Variants in IMMP2L observed in about 807,000 individuals in gnomAD.
The protein encoded by IMMP2L is mitochondrial inner membrane protease subunit 2.
IMMP2L carries 18 observed loss-of-function variants against 19.3 expected under a neutral mutation model. The ratio of observed to expected loss-of-function variants is 0.93; its 90% CI spans 0.64 to 1.38. The LOEUF (loss-of-function observed/expected upper bound fraction) is 1.38, where lower values mean the gene tolerates loss of function less well. IMMP2L is among the 40% of genes most tolerant of loss of function. IMMP2L has a pLI of 0.00. For missense variants in IMMP2L, 233 were observed against 218.2 expected (o/e 1.07, Z -0.43); for synonymous variants, 76 against 73.0 (o/e 1.04, Z -0.21).
chr7:110,902,483 T>C (rs1251840556), intron 4 of IMMP2L, among the ~76,000 whole-genome samples: 1 of 133,390 alleles, frequency 7.5e-6, no homozygotes, highest in Non-Finnish European at 1.6e-5. Flanking sequence ...TGATAAAATA[T>C]ATATATATAT....
intron 3 of IMMP2L, among the ~76,000 whole-genome samples, chr7:111,198,406 G>A (rs1230980290): frequency 1.3e-5 from 2 of 152,004 alleles, no homozygotes; most frequent in Non-Finnish European, 1.5e-5. Flanking sequence ...TTCCTAACCC[G>A]TACAAGCAGT....
chr7:110,783,841 C>A (rs1031657059), intron 5 of IMMP2L, among the ~76,000 whole-genome samples: 1 of 151,878 alleles, frequency 6.6e-6, no homozygotes, highest in African/African-American at 2.4e-5. Flanking sequence ...CATAATCCAA[C>A]AAGTTCATTG....
intron 5 of IMMP2L, among the ~76,000 whole-genome samples, chr7:110,869,315 C>T (rs1196441034): frequency 6.6e-6 from 1 of 152,000 alleles, no homozygotes; most frequent in Non-Finnish European, 1.5e-5. Context: ...TAAAACTCAA[C>T]CAATAAAAGG....
chr7:111,497,892 T>G (rs558095488), intron 2 of IMMP2L, among the ~76,000 whole-genome samples: 10 of 151,654 alleles, frequency 6.6e-5, no homozygotes, highest in Admixed American at 3.9e-4. Context: ...TTTTTCACTA[T>G]TAGTATTATA....
At chr7:110,720,990 C>T (rs1795530269) in intron 5 of IMMP2L, among the ~76,000 whole-genome samples, 1 of 151,788 alleles carries the variant, frequency 6.6e-6, no homozygotes, top group Non-Finnish European at 1.5e-5. Context: ...CTCCCCACCC[C>T]CTCCCCAGTC....
chr7:111,434,050 C>G (rs181332599), intron 3 of IMMP2L, among the ~76,000 whole-genome samples: 2 of 151,614 alleles, frequency 1.3e-5, no homozygotes, highest in Non-Finnish European at 2.9e-5. Context: ...AATTATACTA[C>G]GAGGCTACAG....
intron 3 of IMMP2L, among the ~76,000 whole-genome samples, chr7:111,175,494 A>G (rs1237962853): frequency 2.0e-5 from 3 of 151,908 alleles, no homozygotes; most frequent in African/African-American, 7.2e-5. Flanking sequence ...ATATTCCATT[A>G]GAAATAACAG....
intron 3 of IMMP2L, among the ~76,000 whole-genome samples, chr7:111,301,914 C>G (rs1212632612): frequency 9.9e-6 from 1 of 101,050 alleles, no homozygotes; most frequent in Non-Finnish European, 1.8e-5. Flanking sequence ...ATGTCAGTTT[C>G]ATGCTTTAAA....
intron 5 of IMMP2L, among the ~76,000 whole-genome samples, chr7:110,698,847 A>T (rs1294902238): frequency 6.6e-6 from 1 of 152,248 alleles, no homozygotes; most frequent in Non-Finnish European, 1.5e-5. Flanking sequence ...GTACAGAAAG[A>T]CATCAACACA....
chr7:111,439,842 G>A (rs1837547650), intron 3 of IMMP2L, among the ~76,000 whole-genome samples: 1 of 151,868 alleles, frequency 6.6e-6, no homozygotes, highest in Non-Finnish European at 1.5e-5. Flanking sequence ...CAAAATTAGG[G>A]TCAGTCCTTT....
intron 3 of IMMP2L, among the ~76,000 whole-genome samples, chr7:111,131,392 CATATT>C (rs1801833516): frequency 1.3e-5 from 2 of 151,834 alleles, no homozygotes; most frequent in South Asian, 4.2e-4. Context: ...ATATTATTAA[CATATT>C]ATGTTTGGAT....
At chr7:110,954,422 C>T (rs1463910448) in intron 4 of IMMP2L, among the ~76,000 whole-genome samples, 1 of 152,012 alleles carries the variant, frequency 6.6e-6, no homozygotes, top group African/African-American at 2.4e-5. Flanking sequence ...ATCCCAGAGA[C>T]AGGAACAGTG....
chr7:111,555,510 C>G (rs1791184452), intron 1 of IMMP2L, among the ~76,000 whole-genome samples: 1 of 152,028 alleles, frequency 6.6e-6, no homozygotes, highest in Non-Finnish European at 1.5e-5. Flanking sequence ...TTTTCAACAT[C>G]TCCCTTTCTA....
intron 3 of IMMP2L, among the ~76,000 whole-genome samples, chr7:111,159,807 A>G (rs1339287684): frequency 6.6e-6 from 1 of 152,180 alleles, no homozygotes; most frequent in Non-Finnish European, 1.5e-5. Context: ...TTTACTTAAT[A>G]TACCTCAAAT....
chr7:111,091,241 G>A (rs1465163659), intron 3 of IMMP2L: 1 of 152,198 alleles, frequency 6.6e-6, no homozygotes, highest in African/African-American at 2.4e-5. Context: ...TCAGCCTGCC[G>A]ACTGAGAAAA....
intron 3 of IMMP2L, among the ~76,000 whole-genome samples, chr7:111,104,966 G>A (rs577759039): frequency 6.6e-6 from 1 of 151,744 alleles, no homozygotes; most frequent in East Asian, 1.9e-4. Context: ...AAATATAATG[G>A]CTGTTACAAG....
At chr7:110,892,892 G>A (rs1238749103) in intron 4 of IMMP2L, among the ~76,000 whole-genome samples, 1 of 152,010 alleles carries the variant, frequency 6.6e-6, no homozygotes, top group East Asian at 1.9e-4. Flanking sequence ...ACCCAAAAAC[G>A]TTTCTTCATG....
intron 3 of IMMP2L, among the ~76,000 whole-genome samples, chr7:111,006,604 A>G (rs1258285500): frequency 6.6e-6 from 1 of 152,126 alleles, no homozygotes; most frequent in Non-Finnish European, 1.5e-5. Flanking sequence ...CAACAATTTT[A>G]TCTAATGTCC....
chr7:111,129,490 T>G (rs962946481), intron 3 of IMMP2L, among the ~76,000 whole-genome samples: 1 of 151,844 alleles, frequency 6.6e-6, no homozygotes, highest in Non-Finnish European at 1.5e-5. Context: ...TTGCAATCAA[T>G]TAAACAGAAA....
Sources: gnomAD v4.1 joint callset for allele counts (sites outside exome capture counted in the v4.1 genomes callset) on GRCh38, gnomAD v4.1.1 for gene constraint, MANE v1.5 for transcripts, NCBI Gene and HGNC (gene_info 2026-07-23, HGNC 2026-07-21) for gene names.